The following CCSER1 variants were observed in gnomAD, a reference collection of about 807,000 sequenced individuals.
The protein encoded by CCSER1 is serine-rich coiled-coil domain-containing protein 1.
Under a neutral mutation model 82.0 loss-of-function variants are expected in CCSER1, and 41 were observed. The ratio of observed to expected loss-of-function variants is 0.50; its 90% CI spans 0.39 to 0.65. The LOEUF (loss-of-function observed/expected upper bound fraction) is 0.65, where lower values mean the gene tolerates loss of function less well. Ranked by LOEUF, CCSER1 falls within the 30% of genes least tolerant of loss-of-function variation. The probability of loss-of-function intolerance (pLI) is 0.00; values close to 1 mark genes in which losing one functional copy is unlikely to be tolerated. For missense variants in CCSER1, 1,119 were observed against 1,064.2 expected (o/e 1.05, Z -0.72); for synonymous variants, 414 against 383.9 (o/e 1.08, Z -0.92).
At chr4:91,372,404 G>A (rs577336274) in intron 10 of CCSER1, among the ~76,000 whole-genome samples, 1 of 152,086 alleles carries the variant, frequency 6.6e-6, no homozygotes, top group African/African-American at 2.4e-5. Context: ...CAAAATTAGA[G>A]GTAGCTCCAA....
intron 10 of CCSER1, among the ~76,000 whole-genome samples, chr4:91,308,006 T>C (rs943493218): frequency 1.3e-5 from 2 of 151,982 alleles, no homozygotes; most frequent in Non-Finnish European, 2.9e-5. Flanking sequence ...ATCTGGGTGT[T>C]AAACACTCTA....
intron 10 of CCSER1, among the ~76,000 whole-genome samples, chr4:91,228,204 C>G (rs1272343119): frequency 6.6e-6 from 1 of 152,030 alleles, no homozygotes; most frequent in Non-Finnish European, 1.5e-5. Context: ...ATGTATCCTG[C>G]TACTCGGTTT....
chr4:90,549,837 A>G (rs1243346908), intron 5 of CCSER1, among the ~76,000 whole-genome samples: 1 of 152,074 alleles, frequency 6.6e-6, no homozygotes, highest in Non-Finnish European at 1.5e-5. Flanking sequence ...ACTAGATAAG[A>G]TGTAAAAATG....
intron 5 of CCSER1, among the ~76,000 whole-genome samples, chr4:90,545,301 T>C (rs1465861833): frequency 1.3e-5 from 2 of 152,092 alleles, no homozygotes; most frequent in Non-Finnish European, 2.9e-5. Context: ...GGAACAGAAA[T>C]CACAGATTAC....
chr4:90,753,295 C>T (rs917097696), intron 7 of CCSER1, among the ~76,000 whole-genome samples: 5 of 152,090 alleles, frequency 3.3e-5, no homozygotes, highest in Non-Finnish European at 7.4e-5. Flanking sequence ...GCATATCCTG[C>T]CTTTAGGCAG....
At chr4:90,743,003 T>C (rs1190695322) in intron 7 of CCSER1, among the ~76,000 whole-genome samples, 1 of 152,204 alleles carries the variant, frequency 6.6e-6, no homozygotes, top group Non-Finnish European at 1.5e-5. Flanking sequence ...ATAAGTAATT[T>C]GGCAGATATT....
chr4:90,664,129 G>T (rs1024915331), intron 6 of CCSER1, among the ~76,000 whole-genome samples: 1 of 152,048 alleles, frequency 6.6e-6, no homozygotes, highest in Non-Finnish European at 1.5e-5. Context: ...AAGAGTCAAA[G>T]GATTAATTTG....
intron 10 of CCSER1, among the ~76,000 whole-genome samples, chr4:91,451,530 TAAG>T (rs1391059921): frequency 1.3e-5 from 2 of 151,718 alleles, no homozygotes; most frequent in South Asian, 2.1e-4. Context: ...GGAATAATAA[TAAG>T]GAGAATAACC....
At chr4:91,050,927 T>TAA (rs1306879891) in intron 9 of CCSER1, among the ~76,000 whole-genome samples, 2 of 152,180 alleles carry the variant, frequency 1.3e-5, no homozygotes, top group African/African-American at 4.8e-5. Context: ...CTCATTTTAT[T>TAA]CCCTTCTTAT....
intron 10 of CCSER1, among the ~76,000 whole-genome samples, chr4:91,539,203 T>C (rs554824831): frequency 6.6e-6 from 1 of 152,234 alleles, no homozygotes; most frequent in South Asian, 2.1e-4. Context: ...GTCCATGTGC[T>C]ATGCTTTTCC....
chr4:91,476,573 A>C (rs1475359597), intron 10 of CCSER1, among the ~76,000 whole-genome samples: 2 of 151,882 alleles, frequency 1.3e-5, no homozygotes, highest in African/African-American at 2.4e-5. Context: ...TGGAACAACA[A>C]AACACCTCAA....
rs957380900 is a variant in CCSER1, at chr4:90,131,030, T to A, written c.-42+3199T>A. On this transcript the variant is annotated intron_variant, in intron 1 of 10. Coordinates refer to ENST00000509176, the MANE Select transcript of CCSER1 (RefSeq NM_001145065.2). ...TTTGTTTTTTGAGATGGAGTTTCGT[T>A]CTTGTCGCCCAGGCTGGAGTGCAGT... Among the ~76,000 whole-genome samples the A allele has an allele frequency of 2.0e-5, 3 of 148,978 alleles. No individual in the cohort carries two copies. The East Asian group carries it at 6.2e-4, about 31-fold the overall frequency.
At chr4:90,407,996 A>C (rs7683272) in intron 4 of CCSER1, among the ~76,000 whole-genome samples, 40,791 of 152,108 alleles carry the variant, frequency 0.27, 8,774 homozygotes, top group African/African-American at 0.59. Flanking sequence ...TATCCCGCGC[A>C]TGGCTCAGAG....
At chr4:90,352,719 C>T (rs923998722) in intron 3 of CCSER1, among the ~76,000 whole-genome samples, 4 of 151,564 alleles carry the variant, frequency 2.6e-5, no homozygotes, top group Non-Finnish European at 5.9e-5. Flanking sequence ...CAGATAGTAA[C>T]AGGTAGCATG....
intron 10 of CCSER1, among the ~76,000 whole-genome samples, chr4:91,107,813 A>T (rs977513848): frequency 6.6e-6 from 1 of 152,160 alleles, no homozygotes; most frequent in Non-Finnish European, 1.5e-5. Context: ...TTATGTCAGT[A>T]ATAGCCCTTC....
At position 90,761,744 on chromosome 4, in the gene CCSER1, C is replaced by G. The variant is rs1271398909; in HGVS notation, c.2010+37753C>G. ...CCTAAAGGCAGTGCTTTGGGTTAGG[C>G]GTTCATTAAATAACTGAATTTAAAT... On this transcript the variant is annotated intron_variant, in intron 7 of 10. Transcript: ENST00000509176. 3.3e-5 allele frequency among the ~76,000 whole-genome samples: 5 copies of G among 152,114 alleles called. No homozygotes were observed. In the East Asian group the frequency reaches 9.7e-4, roughly 29 times the overall value.
intron 7 of CCSER1, among the ~76,000 whole-genome samples, chr4:90,734,574 G>T (rs1745341750): frequency 6.6e-6 from 1 of 151,994 alleles, no homozygotes; most frequent in Admixed American, 6.6e-5. Flanking sequence ...TATAGCTATT[G>T]TAAATTGGAT....
intron 6 of CCSER1, among the ~76,000 whole-genome samples, chr4:90,636,537 G>T (rs1725447734): frequency 6.6e-6 from 1 of 151,692 alleles, no homozygotes; most frequent in Non-Finnish European, 1.5e-5. Context: ...TTTCATTCCA[G>T]TTTTTTTAGC....
intron 5 of CCSER1, among the ~76,000 whole-genome samples, chr4:90,594,657 T>G (rs901783575): frequency 1.3e-5 from 2 of 152,114 alleles, no homozygotes; most frequent in Non-Finnish European, 2.9e-5. Context: ...AATAGAAAAG[T>G]CTCCACTAAA....
Sources: allele counts gnomAD v4.1 joint callset (sites outside exome capture counted in the v4.1 genomes callset), GRCh38; gene constraint gnomAD v4.1.1; transcripts MANE v1.5; gene names NCBI Gene and HGNC (gene_info 2026-07-23, HGNC 2026-07-21).